SLCO3A1: variants seen among roughly 807,000 people sequenced by gnomAD.
The protein encoded by SLCO3A1 is solute carrier organic anion transporter family member 3A1.
A neutral mutation model predicts 63.1 loss-of-function variants in SLCO3A1; 27 were observed. The observed-to-expected ratio is 0.43, with a 90% CI of 0.32 to 0.59. SLCO3A1 has a LOEUF of 0.59. Ranked by LOEUF, SLCO3A1 falls within the 20% of genes least tolerant of loss-of-function variation. SLCO3A1 has a pLI of 0.09. For missense variants in SLCO3A1, 773 were observed against 945.8 expected, an observed-to-expected ratio of 0.82 and a Z score of 2.40; for synonymous variants, 473 against 409.9, an observed-to-expected ratio of 1.15 and a Z score of -1.86.
Position 91,855,142 on chromosome 15 carries a change from G to T in SLCO3A1, c.180+1054G>T, listed in dbSNP as rs191800068. Among the ~76,000 whole-genome samples, 415 of 152,294 alleles carry T rather than the reference G, an allele frequency of 2.7e-3. 13 individuals carry two copies. Among genetic ancestry groups the T allele is most frequent in the Non-Finnish European group, 6.3e-4 (43 of 68,024 alleles). ...AGCAAGTTTGATGGAGATAGAATTG[G>T]ACAAGATTTTGGCCATTGAATAACC... is the stretch of plus-strand genomic sequence containing the variant. On this transcript the variant is annotated intron_variant, in intron 1 of 9. Transcript: ENST00000318445.
chr15:92,027,711 C>G (rs769701312), intron 2 of SLCO3A1, among the ~76,000 whole-genome samples: 1 of 152,210 alleles, frequency 6.6e-6, no homozygotes, highest in African/African-American at 2.4e-5. Context: ...ATCCATGTCC[C>G]TAACGAAAAC....
At chr15:91,873,668 G>T (rs1473388955) in intron 1 of SLCO3A1, among the ~76,000 whole-genome samples, 1 of 151,824 alleles carries the variant, frequency 6.6e-6, no homozygotes, top group Non-Finnish European at 1.5e-5. Flanking sequence ...ATAAACTATG[G>T]TCATTTCCCT....
chr15:91,964,093 C>T (rs913318289), intron 2 of SLCO3A1, among the ~76,000 whole-genome samples: 1 of 152,176 alleles, frequency 6.6e-6, no homozygotes, highest in Non-Finnish European at 1.5e-5. Context: ...CCACCTGACC[C>T]AGAAGCTCAG....
chr15:92,163,368 C>G lies in SLCO3A1; in HGVS notation c.*233C>G. On this transcript the variant is annotated 3_prime_UTR_variant, in exon 10 of 10. Transcript: ENST00000318445. The stretch of plus-strand genomic sequence containing the variant: ...GGCAGGGTCCTGGAGGCCACTTGCG[C>G]GGCTGGGCCACAGAGTCTACTTTGA... 2 of 1,151,982 alleles carry G rather than the reference C, an allele frequency of 1.7e-6. No individual in the cohort carries two copies. Among genetic ancestry groups the G allele is most frequent in the Non-Finnish European group, 1.1e-6 (1 of 937,926 alleles). 71.4% of individuals were successfully genotyped at this position (1,151,982 alleles called of 1,614,324 possible). A position where few individuals can be genotyped will look rare whatever the true frequency, so the allele number is the denominator to read the frequency against.
chr15:92,144,621 T>G (rs1337993532), intron 7 of SLCO3A1, among the ~76,000 whole-genome samples: 1 of 152,220 alleles, frequency 6.6e-6, no homozygotes, highest in African/African-American at 2.4e-5. Context: ...CAAAATATTC[T>G]TTATGCAAAA....
intron 2 of SLCO3A1, among the ~76,000 whole-genome samples, chr15:92,019,804 G>A (rs1029856593): frequency 2.6e-5 from 4 of 152,222 alleles, no homozygotes; most frequent in African/African-American, 7.2e-5. Context: ...CTTGCCACTT[G>A]TGGGGTGGCT....
At chr15:92,097,578 G>A (rs938673392) in intron 3 of SLCO3A1, among the ~76,000 whole-genome samples, 1 of 152,204 alleles carries the variant, frequency 6.6e-6, no homozygotes, top group Non-Finnish European at 1.5e-5. Flanking sequence ...GTGCCTGCAT[G>A]GATGTAAGGC....
downstream of SLCO3A1, among the ~76,000 whole-genome samples, chr15:92,169,609 A>G (rs79364598): frequency 0.027 from 4,116 of 152,350 alleles, 191 homozygotes; most frequent in African/African-American, 0.095. Flanking sequence ...GAAATGCACT[A>G]TCAAAGCACC....
chr15:91,898,640 C>A (rs938195102), intron 1 of SLCO3A1, among the ~76,000 whole-genome samples: 1 of 152,126 alleles, frequency 6.6e-6, no homozygotes, highest in African/African-American at 2.4e-5. Context: ...TCTTCTTCTT[C>A]CCTTAACTGT....
intron 2 of SLCO3A1, among the ~76,000 whole-genome samples, chr15:92,090,065 T>C (rs755044777): frequency 1.5e-4 from 23 of 152,160 alleles, no homozygotes; most frequent in African/African-American, 2.7e-4. Context: ...TCATAATCGC[T>C]TACTAATGGG....
chr15:92,020,224 T>TACAC (rs71465723), intron 2 of SLCO3A1, among the ~76,000 whole-genome samples: 2 of 141,982 alleles, frequency 1.4e-5, no homozygotes, highest in African/African-American at 5.4e-5. Flanking sequence ...ACACTATATA[T>TACAC]ACACACACAC....
intron 3 of SLCO3A1, among the ~76,000 whole-genome samples, chr15:92,098,945 A>C (rs528857456): frequency 1.3e-5 from 2 of 152,230 alleles, no homozygotes; most frequent in African/African-American, 4.8e-5. Flanking sequence ...ACAGCTAGGG[A>C]TAGAGCAGGG....
rs193238740 is a variant in SLCO3A1, at chr15:92,033,137, A to T, written c.647-61744A>T. Among the ~76,000 whole-genome samples the T allele has an allele frequency of 6.6e-6, 1 of 152,098 alleles. No homozygotes were observed. Among genetic ancestry groups the T allele is most frequent in the African/African-American group, 2.4e-5 (1 of 41,498 alleles). On this transcript the variant is annotated intron_variant, in intron 2 of 9. Coordinates refer to ENST00000318445, the MANE Select transcript of SLCO3A1 (RefSeq NM_013272.4). The surrounding 1 kb of genome is among the most constrained non-coding windows in gnomAD (Gnocchi z 4.5). Reference sequence around the variant, plus strand: ...GAATTTACCAAAGAATCTCACGTGTAAAAAAAACAAAAGAACTCCATGGAT... The same window carrying T: ...GAATTTACCAAAGAATCTCACGTGTTAAAAAAACAAAAGAACTCCATGGAT...
In SLCO3A1 at chr15:91,853,928, G is replaced by T. The variant is rs1263105343; in HGVS notation, c.20G>T (p.Gly7Val). MQGKKP[G>V]GSSGGGRSGE... ...GGAAGGATGCAGGGGAAGAAGCCGG[G>T]CGGTTCGTCGGGCGGCGGCCGGAGC... The change falls in exon 1 of 10, where the codon GGC becomes GTC. Residue 7 changes from glycine (G) to valine (V), a missense_variant. This residue lies in a region of SLCO3A1 where 69 missense variants were observed against 64.6 expected (regional missense o/e 1.07). Coordinates refer to ENST00000318445, the MANE Select transcript of SLCO3A1 (RefSeq NM_013272.4). The T allele has an allele frequency of 2.1e-6, 3 of 1,453,798 alleles. No individual in the cohort carries two copies. Among genetic ancestry groups the T allele is most frequent in the South Asian group, 1.3e-5 (1 of 74,460 alleles). The allele number at this position is 1,453,798 out of a possible 1,614,324, so 90.1% of individuals were successfully genotyped here. A position where few individuals can be genotyped will look rare whatever the true frequency, so the allele number is the denominator to read the frequency against.
intron 2 of SLCO3A1, among the ~76,000 whole-genome samples, chr15:92,031,353 T>C (rs372253770): frequency 2.0e-5 from 3 of 152,116 alleles, no homozygotes; most frequent in South Asian, 2.1e-4. Flanking sequence ...TCGGAACTTA[T>C]CCAGTGCACA....
chr15:92,142,852 C>T (rs2048152788), intron 7 of SLCO3A1, among the ~76,000 whole-genome samples: 1 of 152,056 alleles, frequency 6.6e-6, no homozygotes, highest in Admixed American at 6.5e-5. Context: ...CAGAGAGAGG[C>T]CAGTTTCCTC....
chr15:92,139,632 T>G (rs2048103110), intron 7 of SLCO3A1, among the ~76,000 whole-genome samples: 1 of 152,204 alleles, frequency 6.6e-6, no homozygotes, highest in Admixed American at 6.5e-5. Context: ...GGTAAACTAC[T>G]GATTATTGCC....
At chr15:92,105,982 G>A (rs2151547371) in intron 4 of SLCO3A1, among the ~76,000 whole-genome samples, 1 of 152,298 alleles carries the variant, frequency 6.6e-6, no homozygotes, top group Middle Eastern at 3.4e-3. Context: ...CCCCTGTTCT[G>A]TTCCTCACCA....
At chr15:92,060,023 G>A (rs4374150) in intron 2 of SLCO3A1, among the ~76,000 whole-genome samples, 117,446 of 152,018 alleles carry the variant, frequency 0.77, 45,651 homozygotes, top group Admixed American at 0.87. Context: ...CAGTTGCAAC[G>A]CAACGGTAAG....
Sources: gnomAD v4.1 joint callset for allele counts (sites outside exome capture counted in the v4.1 genomes callset) on GRCh38, gnomAD v4.1.1 for gene constraint, gnomAD v4.1.1 regional missense constraint, Gnocchi (gnomAD v3.1) non-coding constraint, MANE v1.5 for transcripts, NCBI Gene and HGNC (gene_info 2026-07-23, HGNC 2026-07-21) for gene names.